Variants in ADGRL2 observed in about 807,000 individuals in gnomAD.
ADGRL2 encodes the protein calcium-independent alpha-latrotoxin receptor 2.
In ADGRL2, 44 loss-of-function variants were observed where a neutral mutation model predicts 157.4. The observed-to-expected ratio is 0.28, with a 90% CI of 0.22 to 0.36. The LOEUF (loss-of-function observed/expected upper bound fraction) is 0.36. Ranked by LOEUF, ADGRL2 falls within the 10% of genes least tolerant of loss-of-function variation. The pLI, the probability that ADGRL2 is intolerant of heterozygous loss-of-function variation, is 1.00. For synonymous variants in ADGRL2, 585 were observed against 624.7 expected, an observed-to-expected ratio of 0.94 and a Z score of 0.95; for missense variants, 1,510 against 1,768.9, an observed-to-expected ratio of 0.85 and a Z score of 2.63.
intron 3 of ADGRL2, among the ~76,000 whole-genome samples, chr1:81,634,462 A>C (rs1570694118): frequency 6.7e-6 from 1 of 148,496 alleles, no homozygotes; most frequent in South Asian, 2.1e-4. Context: ...ATCTCCCTCC[A>C]TGTTCCCCCC....
Position 81,971,927 on chromosome 1 carries a change from G to T in ADGRL2, c.3021+9G>T. Reference sequence around the variant, plus strand: ...TTACCTTCATTATTCTGGTAAGCAGGTTCTGTTTTCCCTTGCTTTTTAGCT... The same window carrying T: ...TTACCTTCATTATTCTGGTAAGCAGTTTCTGTTTTCCCTTGCTTTTTAGCT... On this transcript the variant is annotated intron_variant, in intron 17 of 23. Coordinates refer to ENST00000686636, the MANE Select transcript of ADGRL2 (RefSeq NM_001366006.2). The T allele has an allele frequency of 6.9e-6, 11 of 1,601,216 alleles. No individual in the cohort carries two copies. The highest frequency in any genetic ancestry group is 1.3e-5 in the African/African-American group (1 of 74,664).
At chr1:81,341,899 A>G (rs1366154995) in intron 1 of ADGRL2, among the ~76,000 whole-genome samples, 2 of 152,156 alleles carry the variant, frequency 1.3e-5, no homozygotes, top group East Asian at 3.9e-4. Context: ...AGGTTTTTAT[A>G]TTTCCTTTAG....
At chr1:81,497,599 A>T (rs2147991868) in intron 2 of ADGRL2, among the ~76,000 whole-genome samples, 1 of 152,288 alleles carries the variant, frequency 6.6e-6, no homozygotes, top group Non-Finnish European at 1.5e-5. Context: ...ATATATCTAG[A>T]TTCAAATCCT....
At chr1:81,951,660 T>A (rs1651831299) in intron 8 of ADGRL2, among the ~76,000 whole-genome samples, 1 of 151,992 alleles carries the variant, frequency 6.6e-6, no homozygotes, top group Non-Finnish European at 1.5e-5. Flanking sequence ...AATAAGACTT[T>A]AAAATAACAA....
intron 3 of ADGRL2, among the ~76,000 whole-genome samples, chr1:81,677,279 C>T (rs2083016364): frequency 6.6e-6 from 1 of 152,232 alleles, no homozygotes; most frequent in South Asian, 2.1e-4. Context: ...GCCACCACAC[C>T]TGGCCCAACT....
intron 1 of ADGRL2, among the ~76,000 whole-genome samples, chr1:81,332,977 T>A (rs1661372059): frequency 6.6e-6 from 1 of 152,212 alleles, no homozygotes; most frequent in Admixed American, 6.5e-5. Context: ...CACTAGGAAG[T>A]TCAGCGACCT....
At position 81,607,425 on chromosome 1, in the gene ADGRL2, T is replaced by C. The variant is rs144119904; in HGVS notation, c.-143+26445T>C. Among the ~76,000 whole-genome samples, 1,313 of 152,244 alleles carry C rather than the reference T, an allele frequency of 8.6e-3. 11 individuals carry two copies. The highest frequency in any genetic ancestry group is 0.021 in the Admixed American group (323 of 15,290). On this transcript the variant is annotated intron_variant, in intron 3 of 24. Transcript: ENST00000370721. ...CCAAGTGTGATAAAGAAAGTTACAATAGAAATATCCAACCAGGCTTTTCTA... is the reference window on the plus strand; with the variant it reads ...CCAAGTGTGATAAAGAAAGTTACAACAGAAATATCCAACCAGGCTTTTCTA...
intron 2 of ADGRL2, among the ~76,000 whole-genome samples, chr1:81,573,143 G>C (rs1023607700): frequency 5.3e-5 from 8 of 151,768 alleles, no homozygotes; most frequent in Non-Finnish European, 1.0e-4. Flanking sequence ...TAGTTGATTT[G>C]TTCTTTTTTA....
At chr1:81,419,554 T>A (rs552362904) in intron 1 of ADGRL2, among the ~76,000 whole-genome samples, 1 of 152,346 alleles carries the variant, frequency 6.6e-6, no homozygotes, top group East Asian at 1.9e-4. Context: ...ATAAATATTA[T>A]GCAAATAACT....
chr1:81,417,315 T>G (rs941585003), intron 1 of ADGRL2, among the ~76,000 whole-genome samples: 9 of 152,154 alleles, frequency 5.9e-5, no homozygotes, highest in Non-Finnish European at 1.3e-4. Flanking sequence ...TGGTAAATCA[T>G]TATAATGATA....
intron 2 of ADGRL2, among the ~76,000 whole-genome samples, chr1:81,459,575 T>C (rs1255301436): frequency 3.9e-5 from 6 of 152,150 alleles, no homozygotes; most frequent in African/African-American, 1.2e-4. Context: ...TTCATCTGCC[T>C]ATGGGCATTC....
At chr1:81,400,408 G>A (rs955590107) in intron 1 of ADGRL2, among the ~76,000 whole-genome samples, 1 of 152,136 alleles carries the variant, frequency 6.6e-6, no homozygotes, top group African/African-American at 2.4e-5. Context: ...TGACTCTAAG[G>A]CACTGCCTAG....
At position 81,948,712 on chromosome 1, in the gene ADGRL2, G is replaced by T. The variant is rs17430453; in HGVS notation, c.1211-1477G>T. Among the ~76,000 whole-genome samples the T allele has an allele frequency of 2.6e-5, 4 of 152,264 alleles. No homozygotes were observed. The East Asian group carries it at 7.7e-4, about 29-fold the overall frequency. On this transcript the variant is annotated intron_variant, in intron 6 of 23. Transcript: ENST00000686636. Reference sequence around the variant, plus strand: ...AGAAAAGATAGACAGGTTTGAATAGGTTTCTGCAGCAGCTGGCTAGGCATG... The same window carrying T: ...AGAAAAGATAGACAGGTTTGAATAGTTTTCTGCAGCAGCTGGCTAGGCATG...
intron 2 of ADGRL2, among the ~76,000 whole-genome samples, chr1:81,457,171 A>G (rs1245145517): frequency 6.6e-6 from 1 of 152,182 alleles, no homozygotes; most frequent in Non-Finnish European, 1.5e-5. Context: ...CCAAGTGCTG[A>G]CAAATTTCTT....
chr1:81,551,267 A>G (rs528955640), intron 2 of ADGRL2, among the ~76,000 whole-genome samples: 3 of 152,302 alleles, frequency 2.0e-5, no homozygotes, highest in African/African-American at 7.2e-5. Context: ...AGTCTGCTAA[A>G]GACTAGCCCT....
intron 2 of ADGRL2, among the ~76,000 whole-genome samples, chr1:81,508,874 T>C (rs970433371): frequency 3.9e-5 from 6 of 152,200 alleles, no homozygotes; most frequent in Non-Finnish European, 5.9e-5. Flanking sequence ...AGTTGGAAAA[T>C]AGCTTCAGGA....
At chr1:81,861,910 T>C (rs1046368703) in intron 2 of ADGRL2, among the ~76,000 whole-genome samples, 2 of 151,962 alleles carry the variant, frequency 1.3e-5, no homozygotes, top group African/African-American at 4.8e-5. Flanking sequence ...AAGAAACACA[T>C]GAATTTGCTT....
rs561859318 is a variant in ADGRL2 at position 81,694,382 on chromosome 1, C to T, written c.-142-67429C>T. On this transcript the variant is annotated intron_variant, in intron 3 of 24. Coordinates refer to the ADGRL2 transcript ENST00000370721. The stretch of plus-strand genomic sequence containing the variant: ...CTGTTAAAATAGATAATGAAACTAC[C>T]GATGTGGTTAGTTATAGATGAGATA... Among the ~76,000 whole-genome samples the T allele has an allele frequency of 5.9e-5, 9 of 151,668 alleles. No individual in the cohort carries two copies. The South Asian group carries it at 1.0e-3, about 18-fold the overall frequency.
intron 2 of ADGRL2, among the ~76,000 whole-genome samples, chr1:81,886,517 TAA>T (rs1219430682): frequency 6.6e-6 from 1 of 152,218 alleles, no homozygotes; most frequent in Non-Finnish European, 1.5e-5. Context: ...AATGTGATTG[TAA>T]TCAGATAATT....
Sources: allele counts gnomAD v4.1 joint callset (sites outside exome capture counted in the v4.1 genomes callset), GRCh38; gene constraint gnomAD v4.1.1; transcripts MANE v1.5; gene names NCBI Gene and HGNC (gene_info 2026-07-23, HGNC 2026-07-21).